Variants in LAMA1 observed in about 807,000 individuals in gnomAD.
LAMA1 encodes laminin subunit alpha-1.
LAMA1 carries 219 observed loss-of-function variants against 348.7 expected under a neutral mutation model. That is an observed-to-expected ratio of 0.63 (90% CI 0.56 to 0.70). The LOEUF (loss-of-function observed/expected upper bound fraction) is 0.70, where lower values mean the gene tolerates loss of function less well. Ranked by LOEUF, LAMA1 falls within the 30% of genes least tolerant of loss-of-function variation. The pLI is 0.00. For missense variants in LAMA1, 3,744 were observed against 3,888.0 expected (o/e 0.96, Z 0.99); for synonymous variants, 1,487 against 1,491.0 (o/e 1.00, Z 0.06).
chr18:6,950,547 C>A (rs903614300), intron 58 of LAMA1, among the ~76,000 whole-genome samples: 1 of 152,178 alleles, frequency 6.6e-6, no homozygotes, highest in Non-Finnish European at 1.5e-5. Context: ...TTGTTCATCC[C>A]GCCAATGTTT....
At chr18:7,117,212 G>A (rs1035158644) in intron 1 of LAMA1, among the ~76,000 whole-genome samples, 2 of 152,032 alleles carry the variant, frequency 1.3e-5, no homozygotes, top group Non-Finnish European at 2.9e-5. Flanking sequence ...CAATGAGGGC[G>A]ACTCGGGAGA....
intron 1 of LAMA1, among the ~76,000 whole-genome samples, chr18:7,117,361 G>A (rs1332869920): frequency 2.0e-5 from 3 of 151,686 alleles, no homozygotes; most frequent in East Asian, 4.0e-4. Flanking sequence ...TCGCGTAGAT[G>A]GCGCTCCTGG....
In LAMA1 at chr18:7,117,647, G is replaced by C; in HGVS notation, c.61+13C>G. 1 of 1,596,390 alleles carries C rather than the reference G, an allele frequency of 6.3e-7. No homozygotes were observed. The highest frequency in any genetic ancestry group is 8.5e-7 in the Non-Finnish European group (1 of 1,178,114). On this transcript the variant is annotated intron_variant, in intron 1 of 62. Coordinates refer to ENST00000389658, the MANE Select transcript of LAMA1 (RefSeq NM_005559.4). Reference sequence around the variant, plus strand: ...GCGGGGGACAGGGACCCTAGGACCCGGGCCGGGCTCACCTCTCTGCCGGCA... The same window carrying C: ...GCGGGGGACAGGGACCCTAGGACCCCGGCCGGGCTCACCTCTCTGCCGGCA...
chr18:6,951,862 G>A (rs879784828), intron 57 of LAMA1, among the ~76,000 whole-genome samples: 7 of 152,202 alleles, frequency 4.6e-5, no homozygotes, highest in Admixed American at 4.6e-4. Context: ...CTTGGGCCTT[G>A]GGCAACCAGG....
At chr18:6,962,659 G>A (rs1459636497) in intron 51 of LAMA1, among the ~76,000 whole-genome samples, 1 of 152,210 alleles carries the variant, frequency 6.6e-6, no homozygotes, top group Non-Finnish European at 1.5e-5. Context: ...AGTGCACAGT[G>A]CATTGCAGCA....
chr18:7,062,245 T>C (rs1480215251), intron 3 of LAMA1, among the ~76,000 whole-genome samples: 1 of 152,088 alleles, frequency 6.6e-6, no homozygotes, highest in Non-Finnish European at 1.5e-5. Flanking sequence ...GGAAGGCCCA[T>C]TAACTCTGGA....
At chr18:7,047,105 C>T (rs1467779171) in intron 5 of LAMA1, among the ~76,000 whole-genome samples, 1 of 148,630 alleles carries the variant, frequency 6.7e-6, no homozygotes, top group Non-Finnish European at 1.5e-5. Context: ...AGTGCAGTGG[C>T]GCGATCTCAG....
intron 61 of LAMA1, among the ~76,000 whole-genome samples, chr18:6,944,146 G>A (rs533140846): frequency 6.6e-6 from 1 of 152,226 alleles, no homozygotes; most frequent in South Asian, 2.1e-4. Context: ...CTCCCGCATA[G>A]CTGGGATTAC....
intron 56 of LAMA1, 139 bp downstream of exon 56, chr18:6,956,496 AT>A: frequency 1.4e-6 from 2 of 1,427,316 alleles, no homozygotes; most frequent in Non-Finnish European, 9.8e-7. Flanking sequence ...CCCCGCTCTG[AT>A]TTTTAGCACA....
At position 6,965,347 on chromosome 18, in the gene LAMA1, T is replaced by C. The variant is rs372144286; in HGVS notation, c.7136A>G (p.Asp2379Gly). The change falls in exon 50 of 63, where the codon GAC becomes GGC. Residue 2379 changes from aspartate (D) to glycine (G), a missense_variant. Asp to Gly is a moderately conservative substitution (Grantham distance 94). Around this residue, in one of 3 missense-constraint regions of LAMA1, gnomAD observed 1,983 missense variants for 1,934.3 expected, o/e 1.03. Transcript: ENST00000389658. ...CCAGGTTCCATTGTTATAACGTCTGTCTGTCAAAAGGGTAATGGGTCCTGA... is the reference window on the plus strand; with the variant it reads ...CCAGGTTCCATTGTTATAACGTCTGCCTGTCAAAAGGGTAATGGGTCCTGA... The part of the protein sequence containing the change: ...LGSGPITLLT[D>G]RRYNNGTWYK... 2.5e-6 allele frequency: 4 copies of C among 1,614,222 alleles called. No individual in the cohort carries two copies. In the Admixed American group the frequency reaches 5.0e-5, roughly 20 times the overall value.
At chr18:7,047,464 C>T (rs768218877) in intron 5 of LAMA1, among the ~76,000 whole-genome samples, 72 of 152,234 alleles carry the variant, frequency 4.7e-4, no homozygotes, top group Non-Finnish European at 8.4e-4. Context: ...ATATCAGGTG[C>T]ACAGATTGGA....
chr18:7,091,913 C>T (rs1235150600), intron 1 of LAMA1, among the ~76,000 whole-genome samples: 1 of 152,186 alleles, frequency 6.6e-6, no homozygotes. Context: ...AGAACACCAG[C>T]ACGAAGACCC....
chr18:7,084,870 A>G (rs2058208358), intron 1 of LAMA1, among the ~76,000 whole-genome samples: 2 of 152,202 alleles, frequency 1.3e-5, no homozygotes, highest in Non-Finnish European at 2.9e-5. Context: ...CCAGCAGAAT[A>G]TATCTTCCCT....
At chr18:7,092,913 G>A (rs2058245207) in intron 1 of LAMA1, among the ~76,000 whole-genome samples, 1 of 152,092 alleles carries the variant, frequency 6.6e-6, no homozygotes. Context: ...AATTTCCTGT[G>A]GTGGCAGCAC....
rs1232576005 is a variant in LAMA1 at position 7,032,971 on chromosome 18, A to G, written c.2163+13T>C. On this transcript the variant is annotated intron_variant, in intron 15 of 62. Transcript: ENST00000389658. ...GGAACGAAAGGAAAAAGACAGGAAG[A>G]GAGAAGCGTCACCTCACAGGAGGTC... 3.8e-6 allele frequency: 6 copies of G among 1,580,282 alleles called. No individual in the cohort carries two copies. Among genetic ancestry groups the G allele is most frequent in the Middle Eastern group, 1.7e-4 (1 of 6,004 alleles).
intron 3 of LAMA1, among the ~76,000 whole-genome samples, chr18:7,072,999 C>T (rs1350566522): frequency 6.6e-6 from 1 of 152,154 alleles, no homozygotes; most frequent in Non-Finnish European, 1.5e-5. Context: ...CCCAGAAGAG[C>T]ATTCTGAAAG....
At chr18:6,972,202 T>C (rs1320479017) in intron 47 of LAMA1, 2 of 521,086 alleles carry the variant, frequency 3.8e-6, no homozygotes, top group Non-Finnish European at 6.9e-6. Flanking sequence ...TTAAAGATCA[T>C]CTCAGTGACT....
chr18:6,963,311 AC>A (rs2057617202), intron 51 of LAMA1, among the ~76,000 whole-genome samples: 1 of 152,100 alleles, frequency 6.6e-6, no homozygotes, highest in Admixed American at 6.5e-5. Context: ...CTACAGGAAC[AC>A]CCCAGTCCTG....
chr18:7,074,165 C>T (rs1208174286), intron 3 of LAMA1, among the ~76,000 whole-genome samples: 1 of 152,104 alleles, frequency 6.6e-6, no homozygotes, highest in African/African-American at 2.4e-5. Flanking sequence ...TAACACTGTG[C>T]CATTTTACAT....
Sources: allele counts gnomAD v4.1 joint callset (sites outside exome capture counted in the v4.1 genomes callset), GRCh38; gene constraint gnomAD v4.1.1; regional missense constraint gnomAD v4.1.1; transcripts MANE v1.5; gene names NCBI Gene and HGNC (gene_info 2026-07-23, HGNC 2026-07-21).